Variants in HKDC1 observed in about 807,000 individuals in gnomAD.
HKDC1 encodes hexokinase HKDC1.
Under a neutral mutation model 96.6 loss-of-function variants are expected in HKDC1, and 66 were observed. The observed-to-expected ratio is 0.68, with a 90% CI of 0.56 to 0.84. HKDC1 has a LOEUF of 0.84. Among genes scored for constraint, HKDC1 ranks in the 40% least tolerant of loss-of-function variants. The pLI, the probability that HKDC1 is intolerant of heterozygous loss-of-function variation, is 0.00. For missense variants in HKDC1, 1,211 were observed against 1,208.1 expected, an observed-to-expected ratio of 1.00 and a Z score of -0.04; for synonymous variants, 466 against 473.1, an observed-to-expected ratio of 0.98 and a Z score of 0.20.
intron 7 of HKDC1, among the ~76,000 whole-genome samples, chr10:69,244,222 A>G (rs1373680976): frequency 6.6e-6 from 1 of 152,160 alleles, no homozygotes; most frequent in African/African-American, 2.4e-5. Flanking sequence ...GACATGTTCC[A>G]TCACTCTTTA....
At chr10:69,232,470 G>T (rs919458724) in intron 2 of HKDC1, 2 of 373,426 alleles carry the variant, frequency 5.4e-6, no homozygotes, top group South Asian at 3.3e-5. Flanking sequence ...TCATACCACC[G>T]CAAGGGCTGT....
Position 69,258,951 on chromosome 10 carries a change from C to T in HKDC1, c.2208C>T (p.Gly736=). 1 of 1,576,056 alleles carries T rather than the reference C, an allele frequency of 6.3e-7. No individual in the cohort carries two copies. The highest frequency in any genetic ancestry group is 8.6e-7 in the Non-Finnish European group (1 of 1,162,644). The part of the protein sequence containing the change: ...TEVDEGSLNP[G]KQRYEKMTSG... ...TGGATGAGGGGTCCTTGAATCCTGG[C>T]AAGCAGAGGTGAAGAGGGTGGATGT... The change falls in exon 15 of 18, where the codon GGC becomes GGT. Residue 736 remains glycine, a synonymous_variant. Coordinates refer to ENST00000354624, the MANE Select transcript of HKDC1 (RefSeq NM_025130.4).
Position 69,258,900 on chromosome 10 carries a change from C to T in HKDC1, c.2157C>T (p.Asp719=). Residue 719 remains aspartate (D), a synonymous_variant, in exon 15 of 18, where the codon GAC becomes GAT. Coordinates refer to ENST00000354624, the MANE Select transcript of HKDC1 (RefSeq NM_025130.4). Reference sequence around the variant, plus strand: ...TTGGAGACAATGGCTGCATAGATGACATCTGGACCCGATACGACACGGAGG... The same window carrying T: ...TTGGAGACAATGGCTGCATAGATGATATCTGGACCCGATACGACACGGAGG... ...GGFGDNGCID[D]IWTRYDTEVD... is the part of the protein sequence containing the mutation. 1 of 1,610,446 alleles carries T rather than the reference C, an allele frequency of 6.2e-7. No individual in the cohort carries two copies. Among genetic ancestry groups the T allele is most frequent in the Non-Finnish European group, 8.5e-7 (1 of 1,178,412 alleles).
Position 69,232,796 on chromosome 10 carries a change from G to A in HKDC1, c.259G>A (p.Gly87Arg). ...NGEFLSLDLG[G>R]SKFRVLKVQV... ...GGAGTTCCTTTCCCTGGATCTCGGA[G>A]GGTCCAAGTTCCGAGTGCTGAAGGT... is the stretch of plus-strand genomic sequence containing the variant. Residue 87 changes from glycine to arginine, a missense_variant, in exon 3 of 18, where the codon GGG (glycine) becomes AGG (arginine). Coordinates refer to ENST00000354624, the MANE Select transcript of HKDC1 (RefSeq NM_025130.4). 6.2e-7 allele frequency: 1 copy of A among 1,614,144 alleles called. No individual in the cohort carries two copies. Among genetic ancestry groups the A allele is most frequent in the South Asian group, 1.1e-5 (1 of 91,082 alleles).
rs775270475 is a variant in HKDC1, at chr10:69,220,404, G to T, written c.-32G>T. 6.4e-7 allele frequency: 1 copy of T among 1,559,642 alleles called. No homozygotes were observed. Among genetic ancestry groups the T allele is most frequent in the South Asian group, 1.2e-5 (1 of 84,060 alleles). ...GAGTGAACACTGCACAGGAATCTCT[G>T]CCCATCTCAGGAGAAACCAAACTTG... On this transcript the variant is annotated 5_prime_UTR_variant, in exon 1 of 18. Transcript: ENST00000354624.
intron 4 of HKDC1, among the ~76,000 whole-genome samples, chr10:69,235,415 CT>C (rs1843345370): frequency 6.7e-6 from 1 of 150,298 alleles, no homozygotes; most frequent in African/African-American, 2.5e-5. Context: ...GCGCGAGACT[CT>C]GTCAGAAACA....
In HKDC1 at chr10:69,249,001, G is replaced by A. The variant is rs562883882; in HGVS notation, c.1570+273G>A. 8 of 342,048 alleles carry A rather than the reference G, an allele frequency of 2.3e-5. No individual in the cohort carries two copies. In the South Asian group the frequency reaches 4.8e-4, roughly 21 times the overall value. The allele number at this position is 342,048 out of a possible 1,614,324, so 21.2% of individuals were successfully genotyped here. On this transcript the variant is annotated intron_variant, in intron 10 of 17. Coordinates refer to ENST00000354624, the MANE Select transcript of HKDC1 (RefSeq NM_025130.4). ...TATGTGTGTGTAGATGAGAACATGA[G>A]TGTACCCCCCCCGACCCCCAGATCC...
At chr10:69,249,535 A>G (rs992686360) in intron 10 of HKDC1, among the ~76,000 whole-genome samples, 10 of 152,136 alleles carry the variant, frequency 6.6e-5, no homozygotes, top group Admixed American at 5.2e-4. Context: ...TCGCTCTGTC[A>G]CCCAGGCTGG....
At chr10:69,243,788 T>C (rs951201806) in intron 7 of HKDC1, among the ~76,000 whole-genome samples, 2 of 152,240 alleles carry the variant, frequency 1.3e-5, no homozygotes, top group Admixed American at 1.3e-4. Flanking sequence ...TGAGCCACCA[T>C]GCATGGCCCC....
chr10:69,251,885 G>A lies in HKDC1; in HGVS notation c.1836+1233G>A, dbSNP rs376304080. Among the ~76,000 whole-genome samples the A allele has an allele frequency of 4.7e-4, 71 of 151,196 alleles. 1 individual carries two copies. In the South Asian group the frequency reaches 6.1e-3, roughly 13 times the overall value. On this transcript the variant is annotated intron_variant, in intron 12 of 17. Coordinates refer to ENST00000354624, the MANE Select transcript of HKDC1 (RefSeq NM_025130.4). ...AGTGATTCCCCTGCCTCAGTCTCCCGAGTAGCTTGGATTACAGGTGTGTGC... is the reference window on the plus strand; with the variant it reads ...AGTGATTCCCCTGCCTCAGTCTCCCAAGTAGCTTGGATTACAGGTGTGTGC...
intron 17 of HKDC1, among the ~76,000 whole-genome samples, chr10:69,266,303 C>CA (rs1843897058): frequency 6.6e-6 from 1 of 151,894 alleles, no homozygotes. Flanking sequence ...ACAAAATGAA[C>CA]AAAAATTACA....
At chr10:69,260,172 G>A (rs1300822227) in intron 15 of HKDC1, among the ~76,000 whole-genome samples, 1 of 152,208 alleles carries the variant, frequency 6.6e-6, no homozygotes, top group Non-Finnish European at 1.5e-5. Flanking sequence ...GTGAGGGGAT[G>A]CTTAGGCCAT....
At chr10:69,252,507 G>T (rs192653614) in intron 12 of HKDC1, among the ~76,000 whole-genome samples, 2 of 152,070 alleles carry the variant, frequency 1.3e-5, no homozygotes, top group African/African-American at 4.8e-5. Context: ...TTAGCCCGGC[G>T]TGGTGGCAGG....
chr10:69,265,482 C>T, intron 16 of HKDC1, 103 bp from the exon 17 acceptor site: 1 of 990,540 alleles, frequency 1.0e-6, no homozygotes, highest in African/African-American at 1.6e-5. Context: ...AATTTCTCCT[C>T]CCTCCTGTAA....
intron 2 of HKDC1, among the ~76,000 whole-genome samples, chr10:69,227,935 G>A (rs1843187863): frequency 6.6e-6 from 1 of 152,220 alleles, no homozygotes; most frequent in African/African-American, 2.4e-5. Flanking sequence ...TCAGTGACCT[G>A]AGGCAAGTGT....
intron 7 of HKDC1, among the ~76,000 whole-genome samples, chr10:69,243,887 T>G (rs564043903): frequency 1.2e-3 from 186 of 152,352 alleles, no homozygotes; most frequent in Middle Eastern, 0.01. Context: ...AAGATTTCCC[T>G]AAGTCATAAC....
At chr10:69,247,628 G>A (rs751479181) in intron 9 of HKDC1, 35 bp downstream of exon 9, 3 of 1,553,470 alleles carry the variant, frequency 1.9e-6, no homozygotes, top group Non-Finnish European at 8.8e-7. Flanking sequence ...CCCCACAAAT[G>A]AGTCTCCCTG....
intron 1 of HKDC1, among the ~76,000 whole-genome samples, chr10:69,225,493 C>T (rs1843141588): frequency 6.6e-6 from 1 of 152,156 alleles, no homozygotes; most frequent in African/African-American, 2.4e-5. Context: ...GCTCAATTGT[C>T]CTTTTTTGCT....
intron 4 of HKDC1, among the ~76,000 whole-genome samples, chr10:69,234,973 G>A (rs2394531): frequency 7.9e-5 from 12 of 152,144 alleles, no homozygotes; most frequent in Non-Finnish European, 1.3e-4. Context: ...TATAAAGAAG[G>A]TTCCAGGGGC....
Sources: gnomAD v4.1 joint callset for allele counts (sites outside exome capture counted in the v4.1 genomes callset) on GRCh38, gnomAD v4.1.1 for gene constraint, MANE v1.5 for transcripts, NCBI Gene and HGNC (gene_info 2026-07-23, HGNC 2026-07-21) for gene names.